The following GRIA4 variants were observed in gnomAD, a reference collection of about 807,000 sequenced individuals.
GRIA4 encodes glutamate receptor 4.
GRIA4 carries 34 observed loss-of-function variants against 104.0 expected under a neutral mutation model. That is an observed-to-expected ratio of 0.33 (90% CI 0.25 to 0.44). The LOEUF is 0.44. GRIA4 is among the 20% of genes least tolerant of loss of function. The pLI, the probability that GRIA4 is intolerant of heterozygous loss-of-function variation, is 1.00. For missense variants in GRIA4, 750 were observed against 1,096.5 expected (o/e 0.68, Z 4.46); for synonymous variants, 386 against 381.9 (o/e 1.01, Z -0.13).
intron 14 of GRIA4, among the ~76,000 whole-genome samples, chr11:105,951,002 C>G (rs1229158301): frequency 6.6e-6 from 1 of 152,184 alleles, no homozygotes; most frequent in African/African-American, 2.4e-5. Flanking sequence ...ACCTAACTTT[C>G]ATTAGGCCCC....
chr11:105,683,715 C>G (rs1467653614), intron 3 of GRIA4, among the ~76,000 whole-genome samples: 1 of 152,050 alleles, frequency 6.6e-6, no homozygotes, highest in Non-Finnish European at 1.5e-5. Flanking sequence ...AAGTAATACT[C>G]AATACATTTA....
Position 105,899,302 on chromosome 11 carries a change from G to A in GRIA4, c.885+875G>A, listed in dbSNP as rs565589673. On this transcript the variant is annotated intron_variant, in intron 7 of 16. Coordinates refer to ENST00000282499, the MANE Select transcript of GRIA4 (RefSeq NM_000829.4). ...TATAAAATCACAGAATTTCAAAACAGAACATTAAATGGATGTCCACTATGT... is the reference window on the plus strand; with the variant it reads ...TATAAAATCACAGAATTTCAAAACAAAACATTAAATGGATGTCCACTATGT... Among the ~76,000 whole-genome samples, 169 of 152,242 alleles carry A rather than the reference G, an allele frequency of 1.1e-3. 1 individual carries two copies. Among genetic ancestry groups the A allele is most frequent in the Admixed American group, 3.9e-3 (59 of 15,286 alleles).
chr11:105,924,672 G>A lies in GRIA4; in HGVS notation c.1750G>A (p.Gly584Arg), dbSNP rs1947657787. 1.9e-6 allele frequency: 3 copies of A among 1,613,032 alleles called. No individual in the cohort carries two copies. Among genetic ancestry groups the A allele is most frequent in the South Asian group, 1.1e-5 (1 of 91,054 alleles). The change falls in exon 12 of 17, where the codon GGA (glycine) becomes AGA (arginine). Residue 584 changes from glycine (G) to arginine (R), a missense_variant. Physicochemically the swap from Gly to Arg is moderately radical, Grantham distance 125. Around this residue, in one of 3 missense-constraint regions of GRIA4, gnomAD observed 272 missense variants for 524.5 expected, o/e 0.52. Coordinates refer to ENST00000282499, the MANE Select transcript of GRIA4 (RefSeq NM_000829.4). ...HTEEPEDGKEGPSDQPPNEFG... is the reference protein window; with the variant it reads ...HTEEPEDGKERPSDQPPNEFG... ...AGAAGAGCCAGAGGACGGAAAGGAA[G>A]GACCCAGCGACCAGCCTCCCAATGA...
rs570443951 is a variant in GRIA4 at position 105,724,906 on chromosome 11, T to C, written c.248-28075T>C. Among the ~76,000 whole-genome samples the C allele has an allele frequency of 2.0e-4, 30 of 152,292 alleles. No homozygotes were observed. The East Asian group carries it at 4.2e-3, about 22-fold the overall frequency. ...GGGAAAAAAACATTGTTTGATTACA[T>C]TGTTGTTACCAAAATAATGAAGAGG... On this transcript the variant is annotated intron_variant, in intron 3 of 16. Coordinates refer to ENST00000282499, the MANE Select transcript of GRIA4 (RefSeq NM_000829.4).
intron 3 of GRIA4, among the ~76,000 whole-genome samples, chr11:105,631,260 G>C (rs1274684977): frequency 1.3e-5 from 2 of 152,166 alleles, no homozygotes; most frequent in African/African-American, 2.4e-5. Flanking sequence ...GCTGGGGCTA[G>C]TGCATGTATC....
At chr11:105,809,900 C>T (rs1270329220) in intron 4 of GRIA4, among the ~76,000 whole-genome samples, 4 of 152,084 alleles carry the variant, frequency 2.6e-5, no homozygotes, top group African/African-American at 9.7e-5. Context: ...TCCTCCCCTC[C>T]TCACTACTCT....
intron 4 of GRIA4, among the ~76,000 whole-genome samples, chr11:105,791,389 C>G (rs1251782879): frequency 6.6e-6 from 1 of 152,122 alleles, no homozygotes; most frequent in Admixed American, 6.6e-5. Context: ...AATGATTGTG[C>G]ATTTAATGCA....
rs78210460 is a variant in GRIA4 at position 105,769,566 on chromosome 11, T to C, written c.487+16346T>C. Reference sequence around the variant, plus strand: ...ACACTTGAGAACAGATAATGTCAGATAGTGAATATCCCACCTGAAAATTTG... The same window carrying C: ...ACACTTGAGAACAGATAATGTCAGACAGTGAATATCCCACCTGAAAATTTG... On this transcript the variant is annotated intron_variant, in intron 4 of 16. Coordinates refer to ENST00000282499, the MANE Select transcript of GRIA4 (RefSeq NM_000829.4). 3.4e-4 allele frequency among the ~76,000 whole-genome samples: 51 copies of C among 152,160 alleles called. No homozygotes were observed. The East Asian group carries it at 5.8e-3, about 17-fold the overall frequency.
intron 5 of GRIA4, among the ~76,000 whole-genome samples, chr11:105,886,929 A>G (rs1822858142): frequency 6.6e-6 from 1 of 151,758 alleles, no homozygotes; most frequent in African/African-American, 2.4e-5. Context: ...AGAATCCAAC[A>G]GAGAGAAAAG....
At chr11:105,906,430 T>C (rs1031779788) in intron 9 of GRIA4, among the ~76,000 whole-genome samples, 2 of 152,050 alleles carry the variant, frequency 1.3e-5, no homozygotes, top group African/African-American at 2.4e-5. Context: ...TGTTAGAGTT[T>C]GGATAGGATG....
chr11:105,836,300 G>A (rs1240951109), intron 4 of GRIA4, among the ~76,000 whole-genome samples: 1 of 152,070 alleles, frequency 6.6e-6, no homozygotes, highest in Admixed American at 6.6e-5. Flanking sequence ...CAAAAGGAGG[G>A]AAATAATATT....
At chr11:105,656,699 C>G (rs1246455580) in intron 3 of GRIA4, among the ~76,000 whole-genome samples, 1 of 151,818 alleles carries the variant, frequency 6.6e-6, no homozygotes, top group African/African-American at 2.4e-5. Context: ...TCATAGTATT[C>G]GTAGTGAATG....
At chr11:105,822,609 A>G (rs1424054363) in intron 4 of GRIA4, among the ~76,000 whole-genome samples, 1 of 152,094 alleles carries the variant, frequency 6.6e-6, no homozygotes, top group Non-Finnish European at 1.5e-5. Context: ...CTTCAATTAT[A>G]TGTTCATGTA....
chr11:105,930,891 T>G (rs572370230), intron 13 of GRIA4, among the ~76,000 whole-genome samples: 10 of 152,170 alleles, frequency 6.6e-5, no homozygotes, highest in Non-Finnish European at 1.2e-4. Context: ...TATGTGGAGC[T>G]CTATACCTTT....
intron 4 of GRIA4, among the ~76,000 whole-genome samples, chr11:105,845,887 T>C (rs1591340663): frequency 6.6e-6 from 1 of 151,824 alleles, no homozygotes; most frequent in African/African-American, 2.4e-5. Flanking sequence ...AGAGACTCCG[T>C]CTCAAAACAA....
intron 7 of GRIA4, among the ~76,000 whole-genome samples, chr11:105,899,373 G>A (rs556561800): frequency 8.5e-5 from 13 of 152,274 alleles, no homozygotes; most frequent in African/African-American, 3.1e-4. Context: ...ATAAATACAA[G>A]CAAATTATTA....
At chr11:105,699,544 T>C (rs530190358) in intron 3 of GRIA4, among the ~76,000 whole-genome samples, 1 of 152,276 alleles carries the variant, frequency 6.6e-6, no homozygotes, top group Non-Finnish European at 1.5e-5. Context: ...TTTATCTTCA[T>C]CTTGACACAT....
intron 3 of GRIA4, among the ~76,000 whole-genome samples, chr11:105,648,376 T>TTA (rs1262027877): frequency 6.6e-6 from 1 of 151,346 alleles, no homozygotes; most frequent in East Asian, 1.9e-4. Flanking sequence ...AATTGGATAT[T>TTA]TACACAATAA....
chr11:105,901,164 G>C (rs1489335496), intron 7 of GRIA4, among the ~76,000 whole-genome samples: 2 of 151,972 alleles, frequency 1.3e-5, no homozygotes, highest in Non-Finnish European at 2.9e-5. Flanking sequence ...TTTTCAAAGA[G>C]CTCTCAGATA....
Sources: gnomAD v4.1 joint callset for allele counts (sites outside exome capture counted in the v4.1 genomes callset) on GRCh38, gnomAD v4.1.1 for gene constraint, gnomAD v4.1.1 regional missense constraint, MANE v1.5 for transcripts, NCBI Gene and HGNC (gene_info 2026-07-23, HGNC 2026-07-21) for gene names.